The following UBE2D2 variants were observed in gnomAD, a reference collection of about 807,000 sequenced individuals.
UBE2D2 encodes the protein ubiquitin conjugating enzyme E2 D2.
UBE2D2 carries 2 observed loss-of-function variants against 24.2 expected under a neutral mutation model. The ratio of observed to expected loss-of-function variants is 0.08; its 90% confidence interval spans 0.03 to 0.26. The LOEUF (loss-of-function observed/expected upper bound fraction) is 0.26, where lower values mean the gene tolerates loss of function less well. Among genes scored for constraint, UBE2D2 ranks in the 10% least tolerant of loss-of-function variants. The pLI is 1.00. For synonymous variants in UBE2D2, 58 were observed against 56.5 expected (o/e 1.03, Z -0.12); for missense variants, 44 against 177.6 (o/e 0.25, Z 4.28).
At chr5:139,610,860 A>G (rs1341179751) in intron 2 of UBE2D2, among the ~76,000 whole-genome samples, 1 of 152,106 alleles carries the variant, frequency 6.6e-6, no homozygotes, top group East Asian at 1.9e-4. Flanking sequence ...CTCAAAATAA[A>G]TAAATCTAGG....
At chr5:139,595,952 G>A (rs575798475) in intron 1 of UBE2D2, among the ~76,000 whole-genome samples, 118 of 143,778 alleles carry the variant, frequency 8.2e-4, no homozygotes, top group African/African-American at 2.8e-3. Flanking sequence ...GGAGTGCAGC[G>A]GTGAGATCTG....
At chr5:139,558,499 T>A (rs1753010010), upstream of UBE2D2, among the ~76,000 whole-genome samples, 1 of 152,120 alleles carries the variant, frequency 6.6e-6, no homozygotes, top group Admixed American at 6.5e-5. Context: ...CGTGTTAGCC[T>A]GGATGGTCTT....
chr5:139,588,054 C>T (rs1264515301), intron 1 of UBE2D2, among the ~76,000 whole-genome samples: 17 of 152,108 alleles, frequency 1.1e-4, no homozygotes, highest in Non-Finnish European at 2.9e-5. Context: ...GTCTCCAACT[C>T]CTGGGCACAA....
intron 1 of UBE2D2, among the ~76,000 whole-genome samples, chr5:139,534,522 C>T (rs544815815): frequency 2.0e-4 from 30 of 149,282 alleles, no homozygotes; most frequent in African/African-American, 6.4e-4. Flanking sequence ...GCCGAGATCG[C>T]GCCACTGCAC....
At chr5:139,567,536 T>G (rs922539816) in intron 1 of UBE2D2, among the ~76,000 whole-genome samples, 3 of 145,466 alleles carry the variant, frequency 2.1e-5, no homozygotes, top group Non-Finnish European at 3.0e-5. Flanking sequence ...TAAGTTTTTT[T>G]TTTTTTTTTT....
upstream of UBE2D2, among the ~76,000 whole-genome samples, chr5:139,557,995 C>T (rs1482704702): frequency 3.3e-5 from 5 of 151,596 alleles, no homozygotes; most frequent in East Asian, 1.9e-4. Flanking sequence ...AGCTACTCAG[C>T]GGGCTGAAGT....
chr5:139,561,647 C>G lies in UBE2D2; in HGVS notation c.-145C>G, dbSNP rs894150696. 1.6e-5 allele frequency: 9 copies of G among 569,062 alleles called. No individual in the cohort carries two copies. In the South Asian group the frequency reaches 2.0e-4, roughly 13 times the overall value. The allele number at this position is 569,062 out of a possible 1,614,324, so 35.3% of individuals were successfully genotyped here. On this transcript the variant is annotated 5_prime_UTR_variant, in exon 1 of 7. Transcript: ENST00000398733. ...GCTGAGTGGGCCCCGGCCCTCAGCCCGTCCCGCCGGACCCGCTTTCCTCAA... is the reference window on the plus strand; with the variant it reads ...GCTGAGTGGGCCCCGGCCCTCAGCCGGTCCCGCCGGACCCGCTTTCCTCAA...
At chr5:139,598,077 A>G (rs1753994809) in intron 1 of UBE2D2, among the ~76,000 whole-genome samples, 1 of 151,882 alleles carries the variant, frequency 6.6e-6, no homozygotes, top group African/African-American at 2.4e-5. Flanking sequence ...AATTTTTTAT[A>G]TTTTTAGTAG....
At chr5:139,546,776 G>A (rs1174889255) in intron 1 of UBE2D2, among the ~76,000 whole-genome samples, 8 of 151,810 alleles carry the variant, frequency 5.3e-5, no homozygotes, top group Admixed American at 6.6e-5. Flanking sequence ...GTGAGCCACC[G>A]TGCCTGGCCT....
intron 1 of UBE2D2, among the ~76,000 whole-genome samples, chr5:139,547,753 G>A (rs1386380708): frequency 6.6e-6 from 1 of 151,728 alleles, no homozygotes; most frequent in Non-Finnish European, 1.5e-5. Flanking sequence ...GGAGTGCAAT[G>A]GTGTGATCTT....
In UBE2D2 at chr5:139,599,405, AT is replaced by A. The variant is rs201792137; in HGVS notation, c.25-957del. Among the ~76,000 whole-genome samples the A allele has an allele frequency of 5.4e-3, 812 of 150,570 alleles. 10 individuals carry two copies. The highest frequency in any genetic ancestry group is 0.018 in the African/African-American group (759 of 41,098). ...TTTGAGGTACAAAAATTGGCCTTAA[AT>A]TTTTTTTTTGAAAAATAATAAATGA... On this transcript the variant is annotated intron_variant, in intron 1 of 6. Transcript: ENST00000398733.
chr5:139,566,853 C>T (rs1338241511), intron 1 of UBE2D2, among the ~76,000 whole-genome samples: 1 of 150,126 alleles, frequency 6.7e-6, no homozygotes, highest in African/African-American at 2.5e-5. Flanking sequence ...CCCAGTGTTG[C>T]AATATCTTCC....
intron 1 of UBE2D2, among the ~76,000 whole-genome samples, chr5:139,562,765 C>T (rs569528533): frequency 6.6e-6 from 1 of 152,096 alleles, no homozygotes; most frequent in Non-Finnish European, 1.5e-5. Flanking sequence ...TACATCTAGA[C>T]TATAAGATTG....
intron 1 of UBE2D2, among the ~76,000 whole-genome samples, chr5:139,546,807 C>CTTCT (rs1405538149): frequency 2.8e-4 from 40 of 141,964 alleles, no homozygotes; most frequent in Admixed American, 3.6e-4. Context: ...TTCTTTCTTT[C>CTTCT]TTCTTTCTTT....
chr5:139,607,055 C>A (rs183291647), intron 2 of UBE2D2, among the ~76,000 whole-genome samples: 1 of 152,174 alleles, frequency 6.6e-6, no homozygotes, highest in African/African-American at 2.4e-5. Flanking sequence ...TGGTCTGCCC[C>A]GGCCTCCCAA....
intron 2 of UBE2D2, among the ~76,000 whole-genome samples, chr5:139,606,195 T>C (rs978196974): frequency 2.6e-5 from 4 of 152,084 alleles, no homozygotes; most frequent in African/African-American, 9.7e-5. Context: ...GGAGTCTCAC[T>C]CTGTTGCCCG....
chr5:139,623,471 GC>G lies in UBE2D2; in HGVS notation c.398+12del. 1 of 1,590,850 alleles carries G rather than the reference GC, an allele frequency of 6.3e-7. No individual in the cohort carries two copies. Among genetic ancestry groups the G allele is most frequent in the Non-Finnish European group, 8.6e-7 (1 of 1,161,580 alleles). ...AAACAGATAGAGAAAAGTAAGTATG[GC>G]CTCAAGATGGAAAGTTATCTGTGGT... On this transcript the variant is annotated intron_variant, in intron 6 of 6. Coordinates refer to ENST00000398733, the MANE Select transcript of UBE2D2 (RefSeq NM_003339.3).
chr5:139,591,254 G>A (rs1325244924), intron 1 of UBE2D2, among the ~76,000 whole-genome samples: 2 of 150,828 alleles, frequency 1.3e-5, no homozygotes, highest in Non-Finnish European at 2.9e-5. Context: ...CCAAGTAGCT[G>A]GTATTACAGG....
At chr5:139,615,829 ATTTT>A in intron 5 of UBE2D2, among the ~76,000 whole-genome samples, 1 of 95,406 alleles carries the variant, frequency 1.0e-5, no homozygotes, top group Admixed American at 1.2e-4. Context: ...AATAATCTAG[ATTTT>A]TTTTTTTTTT....
Sources: allele counts gnomAD v4.1 joint callset (sites outside exome capture counted in the v4.1 genomes callset), GRCh38; gene constraint gnomAD v4.1.1; transcripts MANE v1.5; gene names NCBI Gene and HGNC (gene_info 2026-07-23, HGNC 2026-07-21).